PTPRZ1: variants seen among roughly 807,000 people sequenced by gnomAD.
The protein encoded by PTPRZ1 is receptor-type tyrosine-protein phosphatase zeta.
Under a neutral mutation model 214.1 loss-of-function variants are expected in PTPRZ1, and 82 were observed. The observed-to-expected ratio is 0.38, with a 90% CI of 0.32 to 0.46. The LOEUF (loss-of-function observed/expected upper bound fraction) is 0.46, where lower values mean the gene tolerates loss of function less well. Ranked by LOEUF, PTPRZ1 falls within the 20% of genes least tolerant of loss-of-function variation. PTPRZ1 has a pLI of 1.00. For synonymous variants in PTPRZ1, 945 were observed against 987.9 expected (o/e 0.96, Z 0.81); for missense variants, 2,603 against 2,748.7 (o/e 0.95, Z 1.19).
intron 15 of PTPRZ1, chr7:122,032,119 A>G (rs1234702353): frequency 1.3e-5 from 2 of 152,172 alleles, no homozygotes; most frequent in Non-Finnish European, 2.9e-5. Flanking sequence ...ACAGAAGGGC[A>G]GAGAAATTTA....
At chr7:121,985,274 T>C (rs1223140009) in intron 8 of PTPRZ1, among the ~76,000 whole-genome samples, 2 of 152,154 alleles carry the variant, frequency 1.3e-5, no homozygotes, top group East Asian at 3.9e-4. Context: ...GACAATCGAT[T>C]AGAAAAAAGA....
intron 2 of PTPRZ1, among the ~76,000 whole-genome samples, chr7:121,938,433 C>T: frequency 6.6e-6 from 1 of 152,122 alleles, no homozygotes; most frequent in South Asian, 2.1e-4. Context: ...TTTGTGTTAC[C>T]CTATTGGCTT....
At chr7:121,994,559 T>A (rs1798078396) in intron 8 of PTPRZ1, among the ~76,000 whole-genome samples, 1 of 152,196 alleles carries the variant, frequency 6.6e-6, no homozygotes, top group Non-Finnish European at 1.5e-5. Context: ...TCACTTTAAA[T>A]CATTCCCATT....
chr7:121,924,243 T>A (rs1795686406), intron 1 of PTPRZ1, among the ~76,000 whole-genome samples: 1 of 152,132 alleles, frequency 6.6e-6, no homozygotes, highest in Admixed American at 6.5e-5. Flanking sequence ...TTTTAATGGA[T>A]CCTAAAATGC....
intron 1 of PTPRZ1, among the ~76,000 whole-genome samples, chr7:121,910,462 G>T (rs912116089): frequency 1.3e-5 from 2 of 152,016 alleles, no homozygotes; most frequent in East Asian, 3.9e-4. Flanking sequence ...ATGGCTGGGG[G>T]GTCCACCAGT....
intron 2 of PTPRZ1, among the ~76,000 whole-genome samples, chr7:121,967,580 A>G (rs1797081953): frequency 6.6e-6 from 1 of 152,216 alleles, no homozygotes; most frequent in Non-Finnish European, 1.5e-5. Flanking sequence ...GGACAAAGCC[A>G]TTGCTGAACC....
At chr7:121,972,782 A>G in intron 4 of PTPRZ1, 90 bp downstream of exon 4, 1 of 1,074,868 alleles carries the variant, frequency 9.3e-7, no homozygotes, top group East Asian at 2.9e-5. Context: ...TTAAAATCCA[A>G]TATTAAAATT....
At chr7:121,996,242 C>A in intron 8 of PTPRZ1, 140 bp from the exon 9 acceptor site, 1 of 584,488 alleles carries the variant, frequency 1.7e-6, no homozygotes, top group Non-Finnish European at 2.8e-6. Context: ...ATGGAATAAG[C>A]AAAAGCTCCA....
chr7:121,947,698 G>A (rs754750713), intron 2 of PTPRZ1, among the ~76,000 whole-genome samples: 19 of 152,154 alleles, frequency 1.2e-4, no homozygotes, highest in Non-Finnish European at 2.4e-4. Flanking sequence ...GAAGCAGGAT[G>A]TTGCACTGAG....
At chr7:121,930,033 T>A (rs1381249586) in intron 2 of PTPRZ1, among the ~76,000 whole-genome samples, 1 of 151,976 alleles carries the variant, frequency 6.6e-6, no homozygotes, top group African/African-American at 2.4e-5. Flanking sequence ...GCTTTTTTTT[T>A]ATTACCACTG....
At chr7:121,973,503 G>T (rs1056108525) in intron 4 of PTPRZ1, among the ~76,000 whole-genome samples, 8 of 152,026 alleles carry the variant, frequency 5.3e-5, no homozygotes, top group Non-Finnish European at 1.2e-4. Context: ...TTGGTTATTG[G>T]TTACATGACA....
intron 1 of PTPRZ1, among the ~76,000 whole-genome samples, chr7:121,913,593 T>A (rs529455381): frequency 6.6e-6 from 1 of 152,340 alleles, no homozygotes; most frequent in East Asian, 1.9e-4. Context: ...GTTGATAAAA[T>A]GACACTGCAT....
In PTPRZ1 at chr7:121,926,186, T is replaced by C. The variant is rs182496619; in HGVS notation, c.59-1970T>C. Among the ~76,000 whole-genome samples, 12 of 149,642 alleles carry C rather than the reference T, an allele frequency of 8.0e-5. No homozygotes were observed. The East Asian group carries it at 2.2e-3, about 27-fold the overall frequency. ...CAGGCGTGGTGGCATGCGCCTGTAATCGCAGTTACTCAGGAGGCTGAGGCA... is the reference window on the plus strand; with the variant it reads ...CAGGCGTGGTGGCATGCGCCTGTAACCGCAGTTACTCAGGAGGCTGAGGCA... On this transcript the variant is annotated intron_variant, in intron 1 of 29. Coordinates refer to ENST00000393386, the MANE Select transcript of PTPRZ1 (RefSeq NM_002851.3).
intron 3 of PTPRZ1, 61 bp from the exon 4 acceptor site, chr7:121,972,480 T>C: frequency 2.1e-6 from 3 of 1,432,194 alleles, no homozygotes; most frequent in Middle Eastern, 1.8e-4. Flanking sequence ...GATGGAAATT[T>C]AGTTGAAATT....
At chr7:121,915,845 T>C (rs1795408929) in intron 1 of PTPRZ1, among the ~76,000 whole-genome samples, 1 of 152,204 alleles carries the variant, frequency 6.6e-6, no homozygotes, top group Non-Finnish European at 1.5e-5. Flanking sequence ...TTGTGTTCTA[T>C]GATATGTAAA....
intron 11 of PTPRZ1, among the ~76,000 whole-genome samples, chr7:122,008,996 G>A (rs2116648475): frequency 6.6e-6 from 1 of 152,108 alleles, no homozygotes. Context: ...CTCTCAGGTG[G>A]TCCTTGTGAA....
intron 8 of PTPRZ1, among the ~76,000 whole-genome samples, chr7:121,987,858 GTT>G (rs1176295173): frequency 6.6e-6 from 1 of 152,108 alleles, no homozygotes; most frequent in South Asian, 2.1e-4. Flanking sequence ...ATGAAATCAT[GTT>G]TTTTTGCAGC....
chr7:121,960,585 TA>T (rs1304084145), intron 2 of PTPRZ1, among the ~76,000 whole-genome samples: 2 of 152,140 alleles, frequency 1.3e-5, no homozygotes, highest in Non-Finnish European at 2.9e-5. Flanking sequence ...CAAACAATTA[TA>T]ATTATTTTTC....
chr7:122,059,208 C>T (rs764831572), intron 28 of PTPRZ1, among the ~76,000 whole-genome samples: 2 of 151,776 alleles, frequency 1.3e-5, no homozygotes, highest in Admixed American at 6.6e-5. Flanking sequence ...TATACTAAGT[C>T]GGTGTTTTAG....
Sources: gnomAD v4.1 joint callset for allele counts (sites outside exome capture counted in the v4.1 genomes callset) on GRCh38, gnomAD v4.1.1 for gene constraint, MANE v1.5 for transcripts, NCBI Gene and HGNC (gene_info 2026-07-23, HGNC 2026-07-21) for gene names.